The following MEGF11 variants were observed in gnomAD, a reference collection of about 807,000 sequenced individuals.
MEGF11 encodes multiple EGF like domains 11.
A neutral mutation model predicts 146.6 loss-of-function variants in MEGF11; 126 were observed. That is an observed-to-expected ratio of 0.86 (90% confidence interval 0.74 to 1.00). The LOEUF (loss-of-function observed/expected upper bound fraction) is 1.00. MEGF11 is among the 50% of genes least tolerant of loss of function. The probability of loss-of-function intolerance (pLI) is 0.00; values close to 1 mark genes in which losing one functional copy is unlikely to be tolerated. For missense variants in MEGF11, 1,509 were observed against 1,521.2 expected, an observed-to-expected ratio of 0.99 and a Z score of 0.13; for synonymous variants, 532 against 583.4, an observed-to-expected ratio of 0.91 and a Z score of 1.27.
chr15:66,235,302 G>A (rs1283325691), intron 1 of MEGF11, among the ~76,000 whole-genome samples: 2 of 152,022 alleles, frequency 1.3e-5, no homozygotes, highest in African/African-American at 4.8e-5. Flanking sequence ...AGAAGTTTGA[G>A]ACCAGCCTGG....
chr15:66,133,204 A>G (rs1381955145), intron 1 of MEGF11, among the ~76,000 whole-genome samples: 1 of 151,300 alleles, frequency 6.6e-6, no homozygotes, highest in Admixed American at 6.5e-5. Context: ...CCTGAGAGCA[A>G]TTCAAAGACT....
intron 15 of MEGF11, among the ~76,000 whole-genome samples, chr15:65,919,538 CAAA>C (rs370611354): frequency 1.4e-5 from 2 of 147,404 alleles, no homozygotes; most frequent in Admixed American, 6.7e-5. Context: ...CACTTTATTG[CAAA>C]AAAAAAATGC....
At chr15:66,046,215 C>T (rs368221155) in intron 5 of MEGF11, among the ~76,000 whole-genome samples, 28 of 152,230 alleles carry the variant, frequency 1.8e-4, no homozygotes, top group Non-Finnish European at 1.3e-4. Context: ...TGACTCCTCA[C>T]GCTTCCTTGC....
intron 5 of MEGF11, among the ~76,000 whole-genome samples, chr15:66,018,437 G>C (rs2082971885): frequency 6.6e-6 from 1 of 152,214 alleles, no homozygotes; most frequent in African/African-American, 2.4e-5. Context: ...GCAGCACAGG[G>C]TGGCCTGGAC....
chr15:66,139,226 A>T (rs894993545), intron 1 of MEGF11, among the ~76,000 whole-genome samples: 1 of 152,186 alleles, frequency 6.6e-6, no homozygotes, highest in Non-Finnish European at 1.5e-5. Flanking sequence ...ACCTTCCAGA[A>T]CTTGAGCACC....
chr15:66,023,965 G>A (rs951065211), intron 5 of MEGF11, among the ~76,000 whole-genome samples: 1 of 152,192 alleles, frequency 6.6e-6, no homozygotes, highest in African/African-American at 2.4e-5. Flanking sequence ...TGAGGATGGG[G>A]ACAGCTAGGG....
At chr15:66,137,906 A>G (rs2088966441) in intron 1 of MEGF11, among the ~76,000 whole-genome samples, 1 of 151,982 alleles carries the variant, frequency 6.6e-6, no homozygotes, top group South Asian at 2.1e-4. Flanking sequence ...TCAGATTTCA[A>G]AAACCAGCCA....
intron 1 of MEGF11, among the ~76,000 whole-genome samples, chr15:66,235,095 T>C (rs1029561257): frequency 1.3e-5 from 2 of 152,232 alleles, no homozygotes; most frequent in African/African-American, 4.8e-5. Context: ...AGTCTCCTAT[T>C]TTTTGAAGAT....
intron 15 of MEGF11, among the ~76,000 whole-genome samples, 200 bp from the exon 16 acceptor site, chr15:65,918,294 C>T (rs2079068695): frequency 6.6e-6 from 1 of 152,232 alleles, no homozygotes; most frequent in African/African-American, 2.4e-5. Context: ...CTCATGCCTA[C>T]AGCTGCATTC....
intron 5 of MEGF11, among the ~76,000 whole-genome samples, chr15:66,080,951 G>A (rs1253409023): frequency 1.3e-5 from 2 of 152,244 alleles, no homozygotes; most frequent in Non-Finnish European, 2.9e-5. Context: ...TTGCTTTGCG[G>A]TGATTCATCT....
chr15:66,179,295 G>C (rs762300979), intron 1 of MEGF11, among the ~76,000 whole-genome samples: 2 of 152,064 alleles, frequency 1.3e-5, no homozygotes, highest in Non-Finnish European at 2.9e-5. Flanking sequence ...CCCACACCCA[G>C]CTAATTTTTG....
intron 5 of MEGF11, among the ~76,000 whole-genome samples, chr15:66,009,928 G>T (rs919099685): frequency 6.6e-6 from 1 of 152,096 alleles, no homozygotes; most frequent in African/African-American, 2.4e-5. Flanking sequence ...TGGGTAGGGG[G>T]AAGAAGGCTT....
chr15:65,922,707 A>C (rs2141258482), intron 14 of MEGF11, 116 bp downstream of exon 14: 1 of 1,348,610 alleles, frequency 7.4e-7, no homozygotes, highest in Non-Finnish European at 1.0e-6. Context: ...GAGGGAAGGA[A>C]GAGATGGGGG....
At chr15:66,168,618 T>C (rs921695618) in intron 1 of MEGF11, among the ~76,000 whole-genome samples, 17 of 152,252 alleles carry the variant, frequency 1.1e-4, no homozygotes, top group African/African-American at 3.9e-4. Context: ...ATTTCATATA[T>C]AGGCCACATG....
chr15:66,139,787 T>C (rs2089061143), intron 1 of MEGF11, among the ~76,000 whole-genome samples: 2 of 152,202 alleles, frequency 1.3e-5, no homozygotes, highest in South Asian at 4.1e-4. Flanking sequence ...TCAGCGTAGT[T>C]TCTTCTGAGG....
chr15:66,220,742 G>A (rs771274412), intron 1 of MEGF11, among the ~76,000 whole-genome samples: 2 of 151,976 alleles, frequency 1.3e-5, no homozygotes, highest in Non-Finnish European at 2.9e-5. Context: ...TCACTGTGTT[G>A]CCCAGGATGG....
intron 5 of MEGF11, among the ~76,000 whole-genome samples, chr15:66,086,394 T>C (rs2086110454): frequency 6.6e-6 from 1 of 152,210 alleles, no homozygotes; most frequent in South Asian, 2.1e-4. Flanking sequence ...GGAAAGAATC[T>C]TAAGGGCTGT....
chr15:66,127,725 G>A (rs1031922702), intron 2 of MEGF11, among the ~76,000 whole-genome samples: 12 of 152,062 alleles, frequency 7.9e-5, no homozygotes, highest in Admixed American at 2.6e-4. Flanking sequence ...GCAGGGACCC[G>A]GCCCATTCCC....
At chr15:66,058,357 A>T (rs1401754485) in intron 5 of MEGF11, among the ~76,000 whole-genome samples, 7 of 152,208 alleles carry the variant, frequency 4.6e-5, no homozygotes, top group Admixed American at 3.9e-4. Flanking sequence ...GAAATGCGGC[A>T]CTAACACACT....
Sources: gnomAD v4.1 joint callset for allele counts (sites outside exome capture counted in the v4.1 genomes callset) on GRCh38, gnomAD v4.1.1 for gene constraint, MANE v1.5 for transcripts, NCBI Gene and HGNC (gene_info 2026-07-23, HGNC 2026-07-21) for gene names.